The following GRIP2 variants were observed in gnomAD, a reference collection of about 807,000 sequenced individuals.
GRIP2 encodes glutamate receptor-interacting protein 2.
In GRIP2, 58 loss-of-function variants were observed where a neutral mutation model predicts 108.3. That is an observed-to-expected ratio of 0.54 (90% CI 0.43 to 0.67). The LOEUF is 0.67. Ranked by LOEUF, GRIP2 falls within the 30% of genes least tolerant of loss-of-function variation. The pLI is 0.00. For missense variants in GRIP2, 1,278 were observed against 1,430.6 expected (o/e 0.89, Z 1.72); for synonymous variants, 586 against 598.2 (o/e 0.98, Z 0.30).
chr3:14,569,631 G>T, the GRIP2 span, among the ~76,000 whole-genome samples: 6 of 152,242 alleles, frequency 3.9e-5, no homozygotes, highest in East Asian at 1.2e-3. Flanking sequence ...CCAGTGTGGG[G>T]GTGCTGCAGT....
At chr3:14,544,693 C>T (rs933035504), upstream of GRIP2, among the ~76,000 whole-genome samples, 2 of 152,214 alleles carry the variant, frequency 1.3e-5, no homozygotes, top group African/African-American at 4.8e-5. Flanking sequence ...CTCCCTCCAC[C>T]CCAGGGGCCG....
At chr3:14,556,659 G>A (rs930498350), upstream of GRIP2, among the ~76,000 whole-genome samples, 23 of 152,170 alleles carry the variant, frequency 1.5e-4, no homozygotes, top group African/African-American at 5.1e-4. Context: ...CGTAGCATGG[G>A]GATACCCAGA....
chr3:14,497,267 C>T (rs917669464), intron 21 of GRIP2, among the ~76,000 whole-genome samples: 6 of 152,118 alleles, frequency 3.9e-5, no homozygotes, highest in Admixed American at 1.3e-4. Flanking sequence ...ATGCCCAGCC[C>T]CAAAGTCAGG....
chr3:14,572,657 G>C, the GRIP2 span, among the ~76,000 whole-genome samples: 2 of 149,378 alleles, frequency 1.3e-5, no homozygotes, highest in African/African-American at 4.9e-5. Flanking sequence ...GATTATCACA[G>C]GAAGTAGTAT....
At chr3:14,518,073 G>A (rs1195048817) in intron 9 of GRIP2, among the ~76,000 whole-genome samples, 176 bp from the exon 10 acceptor site, 1 of 152,228 alleles carries the variant, frequency 6.6e-6, no homozygotes, top group Non-Finnish European at 1.5e-5. Flanking sequence ...TGTGTTCAGA[G>A]TGCAGCTGCT....
chr3:14,588,656 C>T, the GRIP2 span, among the ~76,000 whole-genome samples: 4 of 152,326 alleles, frequency 2.6e-5, no homozygotes, highest in East Asian at 1.9e-4. Flanking sequence ...GGCTCAGTTC[C>T]GTCAGCACAG....
rs146509076 is a variant in GRIP2 at position 14,517,494 on chromosome 3, C to CTTTTTTTT, written c.1156+270_1156+277dup. On this transcript the variant is annotated intron_variant, in intron 10 of 23. Transcript: ENST00000621039. ...GAGGCAGGCCACCTAATCTCTCTCT[C>CTTTTTTTT]TTTTTTTTTTTTTTTTTTTTTTTTT... is the stretch of plus-strand genomic sequence containing the variant. 6.5e-5 allele frequency among the ~76,000 whole-genome samples: 7 copies of CTTTTTTTT among 107,754 alleles called. 1 individual carries two copies. Among genetic ancestry groups the CTTTTTTTT allele is most frequent in the African/African-American group, 7.6e-5 (2 of 26,268 alleles). The allele number at this position is 107,754 out of a possible 152,430, so 70.7% of individuals were successfully genotyped here. A position where few individuals can be genotyped will look rare whatever the true frequency, so the allele number is the denominator to read the frequency against.
At chr3:14,534,654 C>T (rs913464069) in intron 1 of GRIP2, among the ~76,000 whole-genome samples, 18 of 151,988 alleles carry the variant, frequency 1.2e-4, no homozygotes, top group African/African-American at 4.1e-4. Context: ...CCAGTCCCGG[C>T]GAATGTGGGG....
chr3:14,494,864 C>T lies in GRIP2; in HGVS notation c.2949G>A (p.Gln983=). 1 of 1,613,666 alleles carries T rather than the reference C, an allele frequency of 6.2e-7. No individual in the cohort carries two copies. Among genetic ancestry groups the T allele is most frequent in the Non-Finnish European group, 8.5e-7 (1 of 1,179,696 alleles). The part of the protein sequence containing the change: ...PDGPAHRGGL[Q]PFDRVLQVNH... ...TTACCTGCAGGACCCTGTCGAAGGG[C>T]TGGAGGCCTCCACGGTGGGCTGGCC... The change falls in exon 23 of 24, where the codon CAG becomes CAA. Residue 983 remains glutamine (Q), a synonymous_variant. Transcript: ENST00000621039.
intron 1 of GRIP2, among the ~76,000 whole-genome samples, chr3:14,550,060 A>G (rs1695120389): frequency 6.6e-6 from 1 of 151,242 alleles, no homozygotes; most frequent in Non-Finnish European, 1.5e-5. Flanking sequence ...GGAGCCCTGC[A>G]GGGTTTGGGG....
Position 14,507,468 on chromosome 3 carries a change from G to A in GRIP2, c.2218+93C>T. The A allele has an allele frequency of 6.8e-7, 1 of 1,466,324 alleles. No individual in the cohort carries two copies. Among genetic ancestry groups the A allele is most frequent in the African/African-American group, 1.4e-5 (1 of 72,160 alleles). 90.8% of individuals were successfully genotyped at this position (1,466,324 alleles called of 1,614,324 possible). On this transcript the variant is annotated intron_variant, in intron 18 of 23. Coordinates refer to ENST00000621039, the MANE Select transcript of GRIP2 (RefSeq NM_001080423.4). This position sits in a 1 kb window ranked among gnomAD's most constrained non-coding sequence, Gnocchi z 4.6. ...CCCGCCTCCACAGGGCTGCAGTGAG[G>A]ACTCTGTGAGGGTGTGCAGGCAAAG...
At chr3:14,555,153 G>A (rs1695216089) in intron 1 of GRIP2, among the ~76,000 whole-genome samples, 1 of 152,116 alleles carries the variant, frequency 6.6e-6, no homozygotes, top group Non-Finnish European at 1.5e-5. Flanking sequence ...ATGTGTCCAG[G>A]GATGGCACCC....
intron 1 of GRIP2, among the ~76,000 whole-genome samples, chr3:14,526,645 G>A (rs1348081194): frequency 6.6e-6 from 1 of 152,058 alleles, no homozygotes; most frequent in Non-Finnish European, 1.5e-5. Flanking sequence ...ATGTACTTTA[G>A]GACTTTCCAT....
chr3:14,573,454 G>A, the GRIP2 span: 15 of 1,513,046 alleles, frequency 9.9e-6, no homozygotes, highest in Admixed American at 6.7e-5. Flanking sequence ...AGCCACAGGC[G>A]GTAGAACTGG....
chr3:14,590,822 CA>C, the GRIP2 span, among the ~76,000 whole-genome samples: 2 of 152,200 alleles, frequency 1.3e-5, no homozygotes, highest in East Asian at 1.9e-4. Context: ...AATGTGCCCC[CA>C]GGGGGAAAGC....
chr3:14,583,192 CT>C, the GRIP2 span, among the ~76,000 whole-genome samples: 1 of 152,124 alleles, frequency 6.6e-6, no homozygotes, highest in Admixed American at 6.5e-5. Flanking sequence ...ACTGGATTTC[CT>C]GGCTCGTGGA....
Position 14,506,872 on chromosome 3 carries a change from G to A in GRIP2, c.2327C>T (p.Ala776Val). The change falls in exon 19 of 24, where the codon GCT becomes GTT. Residue 776 changes from alanine to valine, a missense_variant. Transcript: ENST00000621039. ...CACAGCACTGTCCACACTGGGCACA[G>A]CCGGCGAGAAGCGGGCTGCTGGCAG... The part of the protein sequence containing the change: ...GGLPAARFSP[A>V]VPSVDSAVES... 1.2e-6 allele frequency: 2 copies of A among 1,607,312 alleles called. No homozygotes were observed. Among genetic ancestry groups the A allele is most frequent in the East Asian group, 2.2e-5 (1 of 44,604 alleles).
the GRIP2 span, chr3:14,574,187 G>T: frequency 1.1e-6 from 1 of 880,138 alleles, no homozygotes; most frequent in South Asian, 1.3e-5. Flanking sequence ...GCACGAAGGT[G>T]AGCCAGTGGG....
upstream of GRIP2, among the ~76,000 whole-genome samples, chr3:14,543,399 G>A (rs888714004): frequency 6.6e-6 from 1 of 152,258 alleles, no homozygotes; most frequent in Non-Finnish European, 1.5e-5. Flanking sequence ...AAGGATAGCT[G>A]TAGTGCAGCG....
Sources: gnomAD v4.1 joint callset for allele counts (sites outside exome capture counted in the v4.1 genomes callset) on GRCh38, gnomAD v4.1.1 for gene constraint, Gnocchi (gnomAD v3.1) non-coding constraint, MANE v1.5 for transcripts, NCBI Gene and HGNC (gene_info 2026-07-23, HGNC 2026-07-21) for gene names.